The following BRWD1 variants were observed in gnomAD, a reference collection of about 807,000 sequenced individuals.
BRWD1 encodes bromodomain and WD repeat domain containing 1, also known as bromodomain and WD repeat-containing protein 1.
Under a neutral mutation model 251.2 loss-of-function variants are expected in BRWD1, and 82 were observed. The ratio of observed to expected loss-of-function variants is 0.33; its 90% confidence interval spans 0.27 to 0.39. The LOEUF (loss-of-function observed/expected upper bound fraction) is 0.39. BRWD1 is among the 10% of genes least tolerant of loss of function. BRWD1 has a pLI of 1.00. For synonymous variants in BRWD1, 918 were observed against 902.8 expected (o/e 1.02, Z -0.30); for missense variants, 2,233 against 2,711.6 (o/e 0.82, Z 3.92).
chr21:39,276,225 A>G lies in BRWD1; in HGVS notation c.1105-12T>C, dbSNP rs577789810. 6.7e-5 allele frequency: 106 copies of G among 1,585,442 alleles called. No homozygotes were observed. The South Asian group carries it at 1.1e-3, about 16-fold the overall frequency. On this transcript the variant is annotated splice_polypyrimidine_tract_variant and intron_variant, in intron 11 of 40. Transcript: ENST00000342449. ...CTATCTACTTTATCCTAAAGGGGGG[A>G]AAAGGACAAATACAAAAATGATCAT...
At chr21:39,280,075 A>C in intron 9 of BRWD1, 73 bp downstream of exon 9, 1 of 1,143,034 alleles carries the variant, frequency 8.7e-7, no homozygotes, top group East Asian at 2.6e-5. Flanking sequence ...CATAACAATA[A>C]AACTTCATTT....
intron 21 of BRWD1, among the ~76,000 whole-genome samples, chr21:39,246,577 A>G (rs769936589): frequency 2.0e-5 from 3 of 152,230 alleles, no homozygotes; most frequent in Admixed American, 1.3e-4. Flanking sequence ...AAGCAGCACT[A>G]TTCATAACAG....
At chr21:39,209,900 C>T (rs1421675188) in intron 36 of BRWD1, 95 bp downstream of exon 36, 3 of 1,242,200 alleles carry the variant, frequency 2.4e-6, no homozygotes, top group Non-Finnish European at 3.4e-6. Flanking sequence ...CTCTATTACA[C>T]AGTGGAAAAT....
At chr21:39,285,059 C>T (rs918908350) in intron 8 of BRWD1, among the ~76,000 whole-genome samples, 4 of 152,170 alleles carry the variant, frequency 2.6e-5, no homozygotes, top group Admixed American at 2.6e-4. Context: ...ATAGTCAAGA[C>T]ATGAATCAAC....
chr21:39,309,288 GA>G (rs112335234), intron 4 of BRWD1, among the ~76,000 whole-genome samples: 8 of 147,218 alleles, frequency 5.4e-5, no homozygotes, highest in Non-Finnish European at 7.5e-5. Context: ...TTCTCTAGGG[GA>G]AAAAAAAAAA....
intron 8 of BRWD1, among the ~76,000 whole-genome samples, chr21:39,285,783 A>T (rs576847745): frequency 6.7e-6 from 1 of 148,546 alleles, no homozygotes; most frequent in African/African-American, 2.5e-5. Context: ...AAAAAAACTT[A>T]GCCAGGTGTG....
chr21:39,225,283 G>A, intron 27 of BRWD1, 86 bp from the exon 28 acceptor site: 2 of 816,468 alleles, frequency 2.4e-6, no homozygotes, highest in East Asian at 2.7e-5. Flanking sequence ...ATATGATACA[G>A]ATAAAAAAGC....
At chr21:39,278,854 ACC>A in intron 9 of BRWD1, 41 bp from the exon 10 acceptor site, 1 of 1,431,230 alleles carries the variant, frequency 7.0e-7, no homozygotes, top group Non-Finnish European at 9.6e-7. Flanking sequence ...AGATTATTTT[ACC>A]ACATTAACAC....
intron 25 of BRWD1, among the ~76,000 whole-genome samples, chr21:39,231,704 G>C (rs1392515214): frequency 6.6e-6 from 1 of 152,128 alleles, no homozygotes; most frequent in East Asian, 1.9e-4. Context: ...CAACATCTTT[G>C]CCACTTGCTA....
In BRWD1 at chr21:39,210,997, T is replaced by C. The variant is rs961432763; in HGVS notation, c.3901-68A>G. ...TGTAAGACTGTGGTAAAAATGTAAC[T>C]GATCTACTGTCTTCTATAAAAATAC... is the stretch of plus-strand genomic sequence containing the variant. On this transcript the variant is annotated intron_variant, in intron 34 of 40. Coordinates refer to ENST00000342449, the MANE Select transcript of BRWD1 (RefSeq NM_033656.4). 4.2e-6 allele frequency: 6 copies of C among 1,433,568 alleles called. No individual in the cohort carries two copies. The African/African-American group carries it at 4.4e-5, about 10-fold the overall frequency. 88.8% of individuals were successfully genotyped at this position (1,433,568 alleles called of 1,614,324 possible).
Position 39,190,600 on chromosome 21 carries a change from T to C in BRWD1, c.*5659A>G, listed in dbSNP as rs1439447040. The C allele has an allele frequency of 1.3e-5, 13 of 985,258 alleles. No homozygotes were observed. Among genetic ancestry groups the C allele is most frequent in the South Asian group, 9.4e-5 (2 of 21,296 alleles). 61.0% of individuals were successfully genotyped at this position (985,258 alleles called of 1,614,324 possible). A position where few individuals can be genotyped will look rare whatever the true frequency, so the allele number is the denominator to read the frequency against. On this transcript the variant is annotated 3_prime_UTR_variant, in exon 41 of 41. Coordinates refer to ENST00000342449, the MANE Select transcript of BRWD1 (RefSeq NM_033656.4). ...TATTCTCTCCTCTGTCTGCCCTTCA[T>C]TGATAAGCAATGAAATGACCCCAAA...
intron 18 of BRWD1, among the ~76,000 whole-genome samples, chr21:39,258,050 T>C (rs78413123): frequency 8.5e-5 from 13 of 152,326 alleles, no homozygotes; most frequent in Non-Finnish European, 1.5e-4. Flanking sequence ...TGGTGATTGT[T>C]ATGTATTTAC....
At chr21:39,287,206 C>T (rs962950749) in intron 8 of BRWD1, among the ~76,000 whole-genome samples, 6 of 152,180 alleles carry the variant, frequency 3.9e-5, no homozygotes, top group Non-Finnish European at 5.9e-5. Flanking sequence ...TCCTTTACAG[C>T]TTTTTTCTCT....
chr21:39,194,790 T>C lies in BRWD1; in HGVS notation c.*1469A>G. 1 of 1,534,944 alleles carries C rather than the reference T, an allele frequency of 6.5e-7. No individual in the cohort carries two copies. Among genetic ancestry groups the C allele is most frequent in the Non-Finnish European group, 8.7e-7 (1 of 1,145,880 alleles). On this transcript the variant is annotated 3_prime_UTR_variant, in exon 41 of 41. Coordinates refer to ENST00000342449, the MANE Select transcript of BRWD1 (RefSeq NM_033656.4). ...CAATTAGGGCTAATAAATAACATTG[T>C]CTAATATTGATACCAGTCTGATGCT...
chr21:39,226,100 A>G (rs2033371473), intron 27 of BRWD1, among the ~76,000 whole-genome samples: 1 of 152,198 alleles, frequency 6.6e-6, no homozygotes, highest in Non-Finnish European at 1.5e-5. Context: ...ACCTAATACT[A>G]GAAGATAATT....
intron 4 of BRWD1, among the ~76,000 whole-genome samples, chr21:39,304,659 TGCACA>T (rs2036228422): frequency 6.6e-6 from 1 of 150,642 alleles, no homozygotes; most frequent in Admixed American, 6.6e-5. Flanking sequence ...ACTAAAAGAA[TGCACA>T]TAAAACTACA....
Position 39,313,610 on chromosome 21 carries a change from C to CCGCCGCCAT in BRWD1, c.-120_-119insATGGCGGCG, listed in dbSNP as rs2036601948. ...GCGCGCGCCGCCGCCGCCGCCGCCG[C>CCGCCGCCAT]CGCCATACCGTGCGCGCCGCCTGGA... On this transcript the variant is annotated 5_prime_UTR_variant, in exon 1 of 41. It adds an upstream start codon to the 5' untranslated region. Coordinates refer to ENST00000342449, the MANE Select transcript of BRWD1 (RefSeq NM_033656.4). The CCGCCGCCAT allele has an allele frequency of 1.2e-6, 1 of 817,574 alleles. No homozygotes were observed. Among genetic ancestry groups the CCGCCGCCAT allele is most frequent in the Non-Finnish European group, 1.6e-6 (1 of 611,952 alleles). 50.6% of individuals were successfully genotyped at this position (817,574 alleles called of 1,614,324 possible). A position where few individuals can be genotyped will look rare whatever the true frequency, so the allele number is the denominator to read the frequency against.
At chr21:39,208,653 A>G (rs2032521872) in intron 36 of BRWD1, among the ~76,000 whole-genome samples, 1 of 152,070 alleles carries the variant, frequency 6.6e-6, no homozygotes, top group South Asian at 2.1e-4. Context: ...CCCAGGTTCA[A>G]GTGGCTCTCA....
Position 39,270,420 on chromosome 21 carries a change from C to G in BRWD1, c.1258G>C (p.Glu420Gln). 1 of 1,606,424 alleles carries G rather than the reference C, an allele frequency of 6.2e-7. No individual in the cohort carries two copies. The highest frequency in any genetic ancestry group is 8.5e-7 in the Non-Finnish European group (1 of 1,177,048). The change falls in exon 14 of 41, where the codon GAA (glutamate) becomes CAA (glutamine). Residue 420 changes from glutamate to glutamine, a missense_variant. Coordinates refer to ENST00000342449, the MANE Select transcript of BRWD1 (RefSeq NM_033656.4). ...TTAGGTTTCATAAACCTTTCCTCTT[C>G]GGAAGATAAGTCCCTAACAAAAAAA... is the stretch of plus-strand genomic sequence containing the variant. ...ATRISGDLSS[E>Q]EERFMKPKVT...
Sources: gnomAD v4.1 joint callset for allele counts (sites outside exome capture counted in the v4.1 genomes callset) on GRCh38, gnomAD v4.1.1 for gene constraint, MANE v1.5 for transcripts, NCBI Gene and HGNC (gene_info 2026-07-23, HGNC 2026-07-21) for gene names.